Variants in CUBN observed in about 807,000 individuals in gnomAD.
The protein encoded by CUBN is cubilin, also known as 460 kDa receptor.
A neutral mutation model predicts 405.3 loss-of-function variants in CUBN; 282 were observed. The ratio of observed to expected loss-of-function variants is 0.70; its 90% CI spans 0.63 to 0.77. CUBN has a LOEUF of 0.77. CUBN is among the 30% of genes least tolerant of loss of function. The probability of loss-of-function intolerance (pLI) is 0.00; values close to 1 mark genes in which losing one functional copy is unlikely to be tolerated. For missense variants in CUBN, 4,514 were observed against 4,475.2 expected, an observed-to-expected ratio of 1.01 and a Z score of -0.25; for synonymous variants, 1,684 against 1,617.0, an observed-to-expected ratio of 1.04 and a Z score of -0.99.
intron 17 of CUBN, among the ~76,000 whole-genome samples, chr10:17,081,095 T>C (rs1363350928): frequency 6.6e-6 from 1 of 152,244 alleles, no homozygotes; most frequent in Non-Finnish European, 1.5e-5. Flanking sequence ...ATATCATTCT[T>C]ATCTTTTGCA....
At chr10:16,980,689 C>T (rs1833244239) in intron 31 of CUBN, among the ~76,000 whole-genome samples, 2 of 151,912 alleles carry the variant, frequency 1.3e-5, no homozygotes, top group South Asian at 4.2e-4. Context: ...CGGTGCCTGT[C>T]GAGGGGTGGG....
At chr10:16,921,234 T>C (rs1842024027) in intron 43 of CUBN, among the ~76,000 whole-genome samples, 1 of 152,238 alleles carries the variant, frequency 6.6e-6, no homozygotes. Context: ...GGCTCCACTT[T>C]ACAAAGAAAG....
intron 12 of CUBN, among the ~76,000 whole-genome samples, chr10:17,104,038 C>G (rs756125458): frequency 6.6e-6 from 1 of 152,106 alleles, no homozygotes; most frequent in Non-Finnish European, 1.5e-5. Flanking sequence ...CAACGGGAAG[C>G]CACTGTGTAT....
At position 16,900,851 on chromosome 10, in the gene CUBN, C is replaced by T; in HGVS notation, c.8185-1G>A. The T allele has an allele frequency of 1.8e-5, 29 of 1,606,996 alleles. No homozygotes were observed. The highest frequency in any genetic ancestry group is 2.5e-5 in the Non-Finnish European group (29 of 1,175,030). On this transcript the variant is annotated splice_acceptor_variant, in intron 52 of 66. Coordinates refer to ENST00000377833, the MANE Select transcript of CUBN (RefSeq NM_001081.4). LOFTEE classifies it high-confidence loss of function. Reference sequence around the variant, plus strand: ...CAATATCAAAGTCACTAAATGTGAGCTGCAGGAGAAAAAAGAAAATGGTTG... The same window carrying T: ...CAATATCAAAGTCACTAAATGTGAGTTGCAGGAGAAAAAAGAAAATGGTTG...
Position 16,954,396 on chromosome 10 carries a change from G to T in CUBN, c.4848C>A (p.Phe1616Leu). Residue 1616 changes from phenylalanine to leucine, a missense_variant, in exon 32 of 67, where the codon TTC (phenylalanine) becomes TTA (leucine). By Grantham distance (22) the Phe-to-Leu change is conservative. Transcript: ENST00000377833. ...GATCCACAGGGTACTTGCCTTGCCTGAATTGAGCTCGGAAGCCTCTGTTCT... is the reference window on the plus strand; with the variant it reads ...GATCCACAGGGTACTTGCCTTGCCTTAATTGAGCTCGGAAGCCTCTGTTCT... ...SRQNRGFRAQ[F>L]RQACGGHILT... The T allele has an allele frequency of 6.2e-7, 1 of 1,614,160 alleles. No homozygotes were observed. The highest frequency in any genetic ancestry group is 1.1e-5 in the South Asian group (1 of 91,080).
intron 28 of CUBN, 124 bp from the exon 29 acceptor site, chr10:16,990,639 A>G: frequency 1.4e-6 from 1 of 740,566 alleles, no homozygotes; most frequent in Non-Finnish European, 2.2e-6. Flanking sequence ...AAAACCGTTA[A>G]GTTACAATAA....
rs868379334 is a variant in CUBN at position 17,065,463 on chromosome 10, T to C, written c.3139+45A>G. 3 of 1,609,970 alleles carry C rather than the reference T, an allele frequency of 1.9e-6. No homozygotes were observed. In the Middle Eastern group the frequency reaches 5.0e-4, roughly 267 times the overall value. Reference sequence around the variant, plus strand: ...TGTGTTTTAGCTATTAGCACTGTTTTGCAATGGAGTCAATAAAACCGAGTA... The same window carrying C: ...TGTGTTTTAGCTATTAGCACTGTTTCGCAATGGAGTCAATAAAACCGAGTA... On this transcript the variant is annotated intron_variant, in intron 22 of 66. Transcript: ENST00000377833.
At chr10:16,978,330 T>C (rs752768440) in intron 31 of CUBN, among the ~76,000 whole-genome samples, 4 of 152,184 alleles carry the variant, frequency 2.6e-5, no homozygotes, top group Non-Finnish European at 5.9e-5. Flanking sequence ...ACTCAGAAAC[T>C]TCACACTACC....
intron 33 of CUBN, 101 bp downstream of exon 33, chr10:16,952,175 A>T (rs1326443831): frequency 5.5e-5 from 45 of 820,762 alleles, no homozygotes; most frequent in Non-Finnish European, 8.9e-5. Flanking sequence ...GAGGAAGGCC[A>T]TCGATTGTTA....
chr10:16,865,028 T>C (rs1359775652), intron 59 of CUBN, among the ~76,000 whole-genome samples: 2 of 133,366 alleles, frequency 1.5e-5, no homozygotes, highest in Admixed American at 8.4e-5. Context: ...TGGTGCTATC[T>C]TGGGTCACTG....
intron 54 of CUBN, among the ~76,000 whole-genome samples, chr10:16,892,132 T>C (rs1841045290): frequency 6.6e-6 from 1 of 152,200 alleles, no homozygotes; most frequent in South Asian, 2.1e-4. Context: ...ATAGCACTGA[T>C]TCATAGCATT....
At chr10:17,014,987 G>A (rs1834288992) in intron 28 of CUBN, among the ~76,000 whole-genome samples, 1 of 152,148 alleles carries the variant, frequency 6.6e-6, no homozygotes, top group South Asian at 2.1e-4. Context: ...CAGGGTACAG[G>A]GGTTCAGTAC....
chr10:16,988,958 C>T (rs1316438540), intron 29 of CUBN, among the ~76,000 whole-genome samples: 1 of 152,168 alleles, frequency 6.6e-6, no homozygotes, highest in Admixed American at 6.5e-5. Flanking sequence ...GGTAAAAATT[C>T]CTCTGTACAG....
intron 6 of CUBN, among the ~76,000 whole-genome samples, chr10:17,116,561 T>C (rs1836905749): frequency 6.6e-6 from 1 of 152,230 alleles, no homozygotes; most frequent in Admixed American, 6.5e-5. Flanking sequence ...CGTGCCTGCG[T>C]GGCCAGGCCT....
At chr10:17,081,186 GA>G (rs1472363859) in intron 17 of CUBN, among the ~76,000 whole-genome samples, 1 of 152,150 alleles carries the variant, frequency 6.6e-6, no homozygotes, top group African/African-American at 2.4e-5. Context: ...CAGTATCTGT[GA>G]AAGATACACA....
chr10:16,915,137 G>C lies in CUBN; in HGVS notation c.7246C>G (p.Pro2416Ala), dbSNP rs776418847. 5 of 1,613,990 alleles carry C rather than the reference G, an allele frequency of 3.1e-6. No homozygotes were observed. The highest frequency in any genetic ancestry group is 4.2e-6 in the Non-Finnish European group (5 of 1,179,936). ...TTGCTAGAAGTGTCTATGCTGTCAGGAATGGTGTTTCCACAGTATCTGCCC... is the reference window on the plus strand; with the variant it reads ...TTGCTAGAAGTGTCTATGCTGTCAGCAATGGTGTTTCCACAGTATCTGCCC... ...ILGRYCGNTI[P>A]DSIDTSSNTA... is the part of the protein sequence containing the mutation. Residue 2416 changes from proline (P) to alanine (A), a missense_variant, in exon 47 of 67, where the codon CCT becomes GCT. Pro to Ala is a conservative substitution (Grantham distance 27, BLOSUM62 -1). Coordinates refer to ENST00000377833, the MANE Select transcript of CUBN (RefSeq NM_001081.4).
intron 14 of CUBN, among the ~76,000 whole-genome samples, chr10:17,089,054 G>C (rs577055861): frequency 6.6e-6 from 1 of 152,134 alleles, no homozygotes; most frequent in Non-Finnish European, 1.5e-5. Context: ...TATGAGAAAT[G>C]CTACTGTAAA....
intron 56 of CUBN, among the ~76,000 whole-genome samples, chr10:16,878,745 A>T (rs1840585661): frequency 6.6e-6 from 1 of 152,142 alleles, no homozygotes. Context: ...TGCCCTACAT[A>T]ATTACTAAAC....
Position 16,939,095 on chromosome 10 carries a change from G to C in CUBN, c.5601C>G (p.Phe1867Leu), listed in dbSNP as rs1842590823. ...AGTTATGTGGGTAGTTTTCAGGCCA[G>C]AAAGGAGAGGCGACTTTCCCATGAG... is the stretch of plus-strand genomic sequence containing the variant. ...VGTHGKVASPFWPENYPHNSN... is the reference protein window; with the variant it reads ...VGTHGKVASPLWPENYPHNSN... The change falls in exon 38 of 67, where the codon TTC (phenylalanine) becomes TTG (leucine). Residue 1867 changes from phenylalanine to leucine, a missense_variant. Around this residue, in one of 5 missense-constraint regions of CUBN, gnomAD observed 1,613 missense variants for 1,542.8 expected, o/e 1.05. Coordinates refer to ENST00000377833, the MANE Select transcript of CUBN (RefSeq NM_001081.4). 1 of 1,613,954 alleles carries C rather than the reference G, an allele frequency of 6.2e-7. No individual in the cohort carries two copies. Among genetic ancestry groups the C allele is most frequent in the Non-Finnish European group, 8.5e-7 (1 of 1,179,882 alleles).
Sources: allele counts gnomAD v4.1 joint callset (sites outside exome capture counted in the v4.1 genomes callset), GRCh38; gene constraint gnomAD v4.1.1; regional missense constraint gnomAD v4.1.1; transcripts MANE v1.5; gene names NCBI Gene and HGNC (gene_info 2026-07-23, HGNC 2026-07-21).